IKZF4: variants seen among roughly 807,000 people sequenced by gnomAD.
IKZF4 encodes the protein IKAROS family zinc finger 4.
In IKZF4, 11 loss-of-function variants were observed where a neutral mutation model predicts 47.7. The ratio of observed to expected loss-of-function variants is 0.23; its 90% CI spans 0.15 to 0.38. The LOEUF is 0.38. Among genes scored for constraint, IKZF4 ranks in the 10% least tolerant of loss-of-function variants. The pLI, the probability that IKZF4 is intolerant of heterozygous loss-of-function variation, is 1.00. For synonymous variants in IKZF4, 298 were observed against 299.4 expected (o/e 1.00, Z 0.05); for missense variants, 557 against 784.9 (o/e 0.71, Z 3.47).
intron 2 of IKZF4, among the ~76,000 whole-genome samples, chr12:56,014,756 G>A (rs1385742474): frequency 6.6e-6 from 1 of 151,664 alleles, no homozygotes; most frequent in Non-Finnish European, 1.5e-5. Context: ...CTCCAGCCTG[G>A]GCAACACAGC....
upstream of IKZF4, chr12:56,018,073 C>G: frequency 7.0e-6 from 8 of 1,146,218 alleles, no homozygotes; most frequent in African/African-American, 1.6e-5. Flanking sequence ...AAAGAAAAGC[C>G]TCCTCCCTTC....
intron 5 of IKZF4, among the ~76,000 whole-genome samples, chr12:56,030,074 G>A (rs568183094): frequency 3.9e-5 from 6 of 152,236 alleles, no homozygotes; most frequent in African/African-American, 1.4e-4. Context: ...AAAAGAGACT[G>A]GATGCATGTT....
At chr12:56,023,557 A>C in intron 1 of IKZF4, 114 bp from the exon 2 acceptor site, 6 of 1,275,222 alleles carry the variant, frequency 4.7e-6, no homozygotes, top group Non-Finnish European at 6.4e-6. Flanking sequence ...GATAGTGAAC[A>C]TTTTTCCTCA....
intron 1 of IKZF4, chr12:56,021,974 A>G: frequency 4.5e-6 from 1 of 222,876 alleles, no homozygotes; most frequent in South Asian, 7.1e-5. Context: ...CCTGGAACAG[A>G]GATCTGAGGG....
chr12:56,022,466 C>T (rs1395078114), intron 1 of IKZF4, among the ~76,000 whole-genome samples: 1 of 152,140 alleles, frequency 6.6e-6, no homozygotes, highest in African/African-American at 2.4e-5. Flanking sequence ...TCTTGGGAGT[C>T]CCAGACTTTT....
chr12:56,016,745 C>T (rs1565812342), upstream of IKZF4, among the ~76,000 whole-genome samples: 2 of 151,952 alleles, frequency 1.3e-5, no homozygotes, highest in Admixed American at 1.3e-4. Context: ...TACAGGCATG[C>T]GCCACCATGC....
At chr12:56,031,936 T>G (rs994342764) in intron 5 of IKZF4, among the ~76,000 whole-genome samples, 1 of 152,160 alleles carries the variant, frequency 6.6e-6, no homozygotes, top group South Asian at 2.1e-4. Flanking sequence ...AGACCTCTCT[T>G]GGTATCTCAG....
intron 1 of IKZF4, chr12:56,010,331 G>GC (rs1891191091): frequency 6.6e-6 from 1 of 152,180 alleles, no homozygotes; most frequent in Non-Finnish European, 1.5e-5. Context: ...AAAGGGTAGT[G>GC]CTGATATGAA....
chr12:56,027,123 T>G, intron 4 of IKZF4, 82 bp downstream of exon 4: 2 of 1,324,230 alleles, frequency 1.5e-6, no homozygotes, highest in Non-Finnish European at 2.0e-6. Flanking sequence ...ACAGCAGGTA[T>G]GGGGCTGGAG....
intron 1 of IKZF4, among the ~76,000 whole-genome samples, chr12:56,008,136 C>G (rs1890924496): frequency 6.6e-6 from 1 of 151,926 alleles, no homozygotes; most frequent in South Asian, 2.1e-4. Context: ...GGTGTTGGGT[C>G]GAGGAATGCT....
chr12:56,021,273 C>A lies in IKZF4; in HGVS notation c.-221C>A. ...AGCGTGCTCTCCCCTCTCCTTCTCT[C>A]CCTCTCTCTCTCTCTCTCTCTCACA... is the stretch of plus-strand genomic sequence containing the variant. On this transcript the variant is annotated 5_prime_UTR_variant, in exon 1 of 8. Transcript: ENST00000547167. 2 of 1,389,768 alleles carry A rather than the reference C, an allele frequency of 1.4e-6. No individual in the cohort carries two copies. Among genetic ancestry groups the A allele is most frequent in the African/African-American group, 1.9e-5 (1 of 53,178 alleles). 86.1% of individuals were successfully genotyped at this position (1,389,768 alleles called of 1,614,324 possible).
At chr12:56,023,983 T>C in intron 2 of IKZF4, 1 of 897,426 alleles carries the variant, frequency 1.1e-6, no homozygotes, top group Non-Finnish European at 1.3e-6. Context: ...TCTTTATATG[T>C]ATCTACATAT....
Position 56,021,048 on chromosome 12 carries a change from C to T in IKZF4, c.-446C>T. ...TCTCTCTCTCTCTCTTGCACACACT[C>T]TTGCCTCTCTCAGGCATTTGTTGTG... On this transcript the variant is annotated 5_prime_UTR_variant, in exon 1 of 8. Transcript: ENST00000547167. 8.5e-6 allele frequency: 10 copies of T among 1,175,204 alleles called. No homozygotes were observed. The highest frequency in any genetic ancestry group is 1.1e-5 in the Non-Finnish European group (10 of 942,304). The allele number at this position is 1,175,204 out of a possible 1,614,324, so 72.8% of individuals were successfully genotyped here.
chr12:56,036,983 T>C lies in IKZF4; in HGVS notation c.*1652T>C, dbSNP rs770259908. On this transcript the variant is annotated 3_prime_UTR_variant, in exon 8 of 8. Coordinates refer to ENST00000547167, the MANE Select transcript of IKZF4 (RefSeq NM_022465.4). Reference sequence around the variant, plus strand: ...GGTCCTTCTCTCTCTCCTTTTCTCTTCCCTTCCTTCCCCTTCCATCTTTCT... The same window carrying C: ...GGTCCTTCTCTCTCTCCTTTTCTCTCCCCTTCCTTCCCCTTCCATCTTTCT... The C allele has an allele frequency of 6.6e-6, 1 of 152,176 alleles. No homozygotes were observed. The highest frequency in any genetic ancestry group is 1.5e-5 in the Non-Finnish European group (1 of 68,022). 9.4% of individuals were successfully genotyped at this position (152,176 alleles called of 1,614,324 possible). A position where few individuals can be genotyped will look rare whatever the true frequency, so the allele number is the denominator to read the frequency against.
At chr12:56,025,344 C>T (rs532592989) in intron 3 of IKZF4, among the ~76,000 whole-genome samples, 186 bp downstream of exon 3, 1 of 152,122 alleles carries the variant, frequency 6.6e-6, no homozygotes, top group Non-Finnish European at 1.5e-5. Flanking sequence ...AGTGAATAGT[C>T]AGTCACTGGC....
chr12:56,018,135 A>C, upstream of IKZF4: 1 of 1,289,056 alleles, frequency 7.8e-7, no homozygotes, highest in Non-Finnish European at 1.0e-6. Flanking sequence ...GAATCTCTTT[A>C]AAATGGACAT....
rs1895495297 is a variant in IKZF4 at position 56,034,949 on chromosome 12, C to A, written c.1376C>A (p.Thr459Lys). 1 of 1,576,184 alleles carries A rather than the reference C, an allele frequency of 6.3e-7. No homozygotes were observed. The highest frequency in any genetic ancestry group is 8.6e-7 in the Non-Finnish European group (1 of 1,158,726). ...AATGGCTGCCAGGACTCCACAGACA[C>A]AGAAAGCAACCACGAAGATCGGGTT... Reference protein sequence around the residue: ...PSNGCQDSTDTESNHEDRVAG... With the variant: ...PSNGCQDSTDKESNHEDRVAG... Residue 459 changes from threonine (T) to lysine (K), a missense_variant, in exon 8 of 8, where the codon ACA becomes AAA. Around this residue, in one of 6 missense-constraint regions of IKZF4, gnomAD observed 280 missense variants for 314.0 expected, o/e 0.89. Transcript: ENST00000547167.
intron 2 of IKZF4, among the ~76,000 whole-genome samples, chr12:56,013,265 G>A (rs1033520371): frequency 3.3e-5 from 5 of 151,846 alleles, no homozygotes; most frequent in East Asian, 1.9e-4. Flanking sequence ...GCGTGATCTC[G>A]GCTCACTCCA....
chr12:56,015,115 C>T (rs1447839881), intron 2 of IKZF4, among the ~76,000 whole-genome samples: 9 of 152,092 alleles, frequency 5.9e-5, no homozygotes, highest in East Asian at 1.9e-4. Flanking sequence ...TTGCTCTTGT[C>T]GCCCAGGCTG....
Sources: gnomAD v4.1 joint callset for allele counts (sites outside exome capture counted in the v4.1 genomes callset) on GRCh38, gnomAD v4.1.1 for gene constraint, gnomAD v4.1.1 regional missense constraint, MANE v1.5 for transcripts, NCBI Gene and HGNC (gene_info 2026-07-23, HGNC 2026-07-21) for gene names.